Variants in TSGA10 observed in about 807,000 individuals in gnomAD.
TSGA10 encodes testis-specific gene 10 protein.
TSGA10 carries 43 observed loss-of-function variants against 96.6 expected under a neutral mutation model. That is an observed-to-expected ratio of 0.44 (90% CI 0.35 to 0.57). The LOEUF (loss-of-function observed/expected upper bound fraction) is 0.57, where lower values mean the gene tolerates loss of function less well. Among genes scored for constraint, TSGA10 ranks in the 20% least tolerant of loss-of-function variants. The pLI is 0.01. For missense variants in TSGA10, 703 were observed against 834.4 expected, an observed-to-expected ratio of 0.84 and a Z score of 1.94; for synonymous variants, 229 against 269.9, an observed-to-expected ratio of 0.85 and a Z score of 1.48.
chr2:99,144,779 A>G (rs2093615532), intron 1 of TSGA10, among the ~76,000 whole-genome samples: 1 of 152,126 alleles, frequency 6.6e-6, no homozygotes, highest in Non-Finnish European at 1.5e-5. Context: ...AACTATCCTC[A>G]AGGGATGTGG....
chr2:99,109,582 C>A, intron 5 of TSGA10, 70 bp from the exon 6 acceptor site: 1 of 1,288,414 alleles, frequency 7.8e-7, no homozygotes, highest in Non-Finnish European at 1.0e-6. Flanking sequence ...AAAATTAGAC[C>A]ATTATTTCAA....
intron 16 of TSGA10, among the ~76,000 whole-genome samples, chr2:99,046,907 T>C (rs182232829): frequency 3.4e-4 from 51 of 152,194 alleles, no homozygotes; most frequent in East Asian, 1.2e-3. Flanking sequence ...ACTGATCCCA[T>C]AGAGATAGAA....
chr2:99,132,698 T>G (rs778419865), intron 1 of TSGA10, among the ~76,000 whole-genome samples: 1 of 152,172 alleles, frequency 6.6e-6, no homozygotes, highest in East Asian at 1.9e-4. Flanking sequence ...AATCATGATG[T>G]TAGGGTGTTG....
intron 16 of TSGA10, among the ~76,000 whole-genome samples, chr2:99,044,447 A>T (rs1474601729): frequency 1.3e-5 from 2 of 152,220 alleles, no homozygotes; most frequent in Admixed American, 1.3e-4. Context: ...AGGGCATAAA[A>T]TAATGGTAAA....
chr2:99,134,825 C>T (rs1404233311), intron 1 of TSGA10, among the ~76,000 whole-genome samples: 17 of 152,108 alleles, frequency 1.1e-4, no homozygotes, highest in Non-Finnish European at 5.9e-5. Flanking sequence ...GTTAGTTTTC[C>T]TTCTAACAGT....
chr2:99,153,619 G>C (rs2093715751), intron 1 of TSGA10, among the ~76,000 whole-genome samples: 1 of 152,274 alleles, frequency 6.6e-6, no homozygotes, highest in East Asian at 1.9e-4. Flanking sequence ...GAATTTAGAA[G>C]GAAGTAATAT....
At chr2:99,076,917 G>C (rs2086764586) in intron 12 of TSGA10, among the ~76,000 whole-genome samples, 1 of 151,764 alleles carries the variant, frequency 6.6e-6, no homozygotes, top group African/African-American at 2.4e-5. Context: ...TCATTTTTCA[G>C]GGTAGTCCAG....
intron 4 of TSGA10, among the ~76,000 whole-genome samples, chr2:99,116,782 T>G (rs1234830807): frequency 6.6e-6 from 1 of 152,202 alleles, no homozygotes; most frequent in Non-Finnish European, 1.5e-5. Flanking sequence ...TACATGTTTA[T>G]GGGGTACATG....
At chr2:99,019,887 G>A (rs374132112) in intron 18 of TSGA10, among the ~76,000 whole-genome samples, 1 of 152,126 alleles carries the variant, frequency 6.6e-6, no homozygotes, top group Non-Finnish European at 1.5e-5. Flanking sequence ...GTTCTTCTAG[G>A]TATCCAGTAC....
intron 1 of TSGA10, chr2:99,141,354 C>A: frequency 4.8e-6 from 1 of 207,736 alleles, no homozygotes; most frequent in South Asian, 5.0e-5. Context: ...CGGAGTGGGG[C>A]TCGTCTTCCA....
intron 16 of TSGA10, among the ~76,000 whole-genome samples, chr2:99,051,122 T>G (rs1328145156): frequency 6.6e-6 from 1 of 152,114 alleles, no homozygotes; most frequent in East Asian, 1.9e-4. Context: ...CAGAATATAT[T>G]TTCATCATTA....
chr2:99,102,245 T>A, intron 10 of TSGA10: 1 of 1,612,594 alleles, frequency 6.2e-7, no homozygotes, highest in Non-Finnish European at 8.5e-7. Context: ...AGTTAGTACC[T>A]GGTGGCAAAG....
chr2:99,129,713 T>A (rs769182767), intron 1 of TSGA10, among the ~76,000 whole-genome samples: 4 of 152,202 alleles, frequency 2.6e-5, no homozygotes, highest in Non-Finnish European at 5.9e-5. Flanking sequence ...TGTACCGTTC[T>A]CAGAGAAGGC....
At chr2:99,044,124 T>A (rs549955712) in intron 16 of TSGA10, among the ~76,000 whole-genome samples, 11 of 152,226 alleles carry the variant, frequency 7.2e-5, no homozygotes, top group Admixed American at 5.9e-4. Context: ...CACCAACTAA[T>A]GGGCAAAATA....
intron 17 of TSGA10, among the ~76,000 whole-genome samples, chr2:99,024,760 T>C (rs1349088312): frequency 1.3e-5 from 2 of 152,232 alleles, no homozygotes; most frequent in Non-Finnish European, 2.9e-5. Context: ...CACCACTAAG[T>C]ACAGTGTTTG....
rs536792090 is a variant in TSGA10 at position 99,118,017 on chromosome 2, TATTG to T, written c.-355-262_-355-259del. ...TTTATTTTAAAAAGAACTTAATTAC[TATTG>T]ATTTTTAGCCAATCTATTAGAAAAA... On this transcript the variant is annotated intron_variant, in intron 3 of 20. Transcript: ENST00000393483. Among the ~76,000 whole-genome samples the T allele has an allele frequency of 5.9e-5, 9 of 152,334 alleles. No homozygotes were observed. The East Asian group carries it at 7.7e-4, about 13-fold the overall frequency.
intron 17 of TSGA10, among the ~76,000 whole-genome samples, chr2:99,028,896 A>AAT (rs1211466370): frequency 6.6e-6 from 1 of 152,230 alleles, no homozygotes. Context: ...TTAAGGATAT[A>AAT]ATGCAAAATG....
chr2:99,145,396 C>A (rs1174362730), intron 1 of TSGA10, among the ~76,000 whole-genome samples: 4 of 151,716 alleles, frequency 2.6e-5, no homozygotes, highest in African/African-American at 7.3e-5. Context: ...TGTCTCTCCC[C>A]AAAAATACAA....
chr2:99,090,202 C>T (rs898304330), intron 10 of TSGA10, among the ~76,000 whole-genome samples: 1 of 152,122 alleles, frequency 6.6e-6, no homozygotes, highest in Non-Finnish European at 1.5e-5. Context: ...CCACATCCCT[C>T]TAGGAAGAGA....
Sources: gnomAD v4.1 joint callset for allele counts (sites outside exome capture counted in the v4.1 genomes callset) on GRCh38, gnomAD v4.1.1 for gene constraint, MANE v1.5 for transcripts, NCBI Gene and HGNC (gene_info 2026-07-23, HGNC 2026-07-21) for gene names.